DAGLA: variants seen among roughly 807,000 people sequenced by gnomAD.
DAGLA encodes diacylglycerol lipase alpha, also known as diacylglycerol lipase-alpha.
Under a neutral mutation model 102.6 loss-of-function variants are expected in DAGLA, and 22 were observed. That is an observed-to-expected ratio of 0.21 (90% CI 0.15 to 0.31). The LOEUF is 0.31. DAGLA is among the 10% of genes least tolerant of loss of function. The pLI is 1.00. For synonymous variants in DAGLA, 578 were observed against 628.9 expected (o/e 0.92, Z 1.21); for missense variants, 927 against 1,446.6 (o/e 0.64, Z 5.83).
intron 1 of DAGLA, among the ~76,000 whole-genome samples, chr11:61,716,172 G>C (rs550984343): frequency 6.6e-6 from 1 of 152,168 alleles, no homozygotes; most frequent in Admixed American, 6.5e-5. Context: ...CAGAGGTGTG[G>C]CGATGGGTAC....
At chr11:61,733,998 A>T (rs1323850230) in intron 9 of DAGLA, among the ~76,000 whole-genome samples, 2 of 152,176 alleles carry the variant, frequency 1.3e-5, no homozygotes, top group African/African-American at 4.8e-5. Flanking sequence ...CAGGTCAGAG[A>T]GACCAGAGCC....
At chr11:61,731,197 C>G (rs2065371128) in intron 8 of DAGLA, 120 bp from the exon 9 acceptor site, 1 of 1,268,216 alleles carries the variant, frequency 7.9e-7, no homozygotes, top group Admixed American at 2.2e-5. Context: ...CAACAGGGGA[C>G]CAGCAACCCC....
intron 1 of DAGLA, among the ~76,000 whole-genome samples, chr11:61,681,779 AC>A (rs1384770175): frequency 6.6e-6 from 1 of 151,026 alleles, no homozygotes; most frequent in African/African-American, 2.4e-5. Context: ...CTATGTTAAA[AC>A]CCCTCCATCT....
intron 10 of DAGLA, among the ~76,000 whole-genome samples, chr11:61,735,205 C>T (rs1169363448): frequency 6.6e-6 from 1 of 152,178 alleles, no homozygotes; most frequent in Admixed American, 6.5e-5. Flanking sequence ...ACCTCTGGGG[C>T]TGGGAAAGCA....
In DAGLA at chr11:61,744,761, A is replaced by G; in HGVS notation, c.*272A>G. On this transcript the variant is annotated 3_prime_UTR_variant, in exon 20 of 20. Coordinates refer to ENST00000257215, the MANE Select transcript of DAGLA (RefSeq NM_006133.3). ...CTGGGCAGCCTGCTGGGTGGGCCAC[A>G]CTCAGCCTGACTGCCCTCCATGGGG... 2 of 396,756 alleles carry G rather than the reference A, an allele frequency of 5.0e-6. No homozygotes were observed. Among genetic ancestry groups the G allele is most frequent in the Non-Finnish European group, 4.5e-6 (1 of 221,038 alleles). The allele number at this position is 396,756 out of a possible 1,614,324, so 24.6% of individuals were successfully genotyped here. A position where few individuals can be genotyped will look rare whatever the true frequency, so the allele number is the denominator to read the frequency against.
chr11:61,709,806 C>T (rs2065178859), intron 1 of DAGLA, among the ~76,000 whole-genome samples: 1 of 152,132 alleles, frequency 6.6e-6, no homozygotes, highest in Admixed American at 6.5e-5. Flanking sequence ...GTCACTTGAT[C>T]CCTGCTTGCT....
At position 61,736,168 on chromosome 11, in the gene DAGLA, G is replaced by GA. The variant is rs545247573; in HGVS notation, c.1291-97dup. 1.6e-4 allele frequency: 159 copies of GA among 998,914 alleles called. 1 individual carries two copies. The highest frequency in any genetic ancestry group is 1.0e-3 in the Admixed American group (54 of 53,744). 61.9% of individuals were successfully genotyped at this position (998,914 alleles called of 1,614,324 possible). On this transcript the variant is annotated intron_variant, in intron 12 of 19. Transcript: ENST00000257215. ...GCTGGGTTGTCACGAGGCCCAAAGGGAAAAATGGATGGGGCAGGGTTCCTG... is the reference window on the plus strand; with the variant it reads ...GCTGGGTTGTCACGAGGCCCAAAGGGAAAAAATGGATGGGGCAGGGTTCCTG...
chr11:61,715,997 C>G (rs1463387208), intron 1 of DAGLA, among the ~76,000 whole-genome samples: 1 of 152,154 alleles, frequency 6.6e-6, no homozygotes, highest in African/African-American at 2.4e-5. Flanking sequence ...GGTGGGAACC[C>G]AGCCTGACAG....
chr11:61,699,121 A>G (rs908330019), intron 1 of DAGLA, among the ~76,000 whole-genome samples: 1 of 152,128 alleles, frequency 6.6e-6, no homozygotes, highest in Non-Finnish European at 1.5e-5. Context: ...GAAGCCCTGG[A>G]TGGGAGCCAT....
chr11:61,719,479 TAGAG>T (rs1372202576), intron 1 of DAGLA, among the ~76,000 whole-genome samples: 2 of 152,212 alleles, frequency 1.3e-5, no homozygotes, highest in Non-Finnish European at 2.9e-5. Context: ...AACCAAGTCA[TAGAG>T]CACGCTCTTG....
chr11:61,701,332 G>T (rs2065108983), intron 1 of DAGLA, among the ~76,000 whole-genome samples: 2 of 152,216 alleles, frequency 1.3e-5, no homozygotes, highest in African/African-American at 4.8e-5. Context: ...GGGCCATGGG[G>T]ACTAGGAGCC....
chr11:61,690,301 C>T (rs2065013548), intron 1 of DAGLA, among the ~76,000 whole-genome samples: 1 of 152,188 alleles, frequency 6.6e-6, no homozygotes, highest in Non-Finnish European at 1.5e-5. Context: ...GTGTAGTCTC[C>T]CATCTCCCCA....
At chr11:61,720,582 T>C in intron 2 of DAGLA, 97 bp from the exon 3 acceptor site, 1 of 1,162,756 alleles carries the variant, frequency 8.6e-7, no homozygotes, top group Non-Finnish European at 1.3e-6. Flanking sequence ...CCAGCCCTCC[T>C]TCCACTGAAT....
chr11:61,701,364 A>G (rs555280977), intron 1 of DAGLA, among the ~76,000 whole-genome samples: 50 of 152,304 alleles, frequency 3.3e-4, no homozygotes, highest in South Asian at 6.2e-4. Context: ...TGCCAGGCCC[A>G]GCCCTACTGC....
intron 1 of DAGLA, among the ~76,000 whole-genome samples, chr11:61,691,536 A>AC (rs34068709): frequency 2.0e-3 from 294 of 149,224 alleles, no homozygotes; most frequent in African/African-American, 5.6e-3. Flanking sequence ...TGGAGGTGGG[A>AC]CCCCCCCCAA....
intron 1 of DAGLA, among the ~76,000 whole-genome samples, chr11:61,693,541 G>A (rs1457143337): frequency 1.3e-5 from 2 of 151,876 alleles, no homozygotes; most frequent in African/African-American, 4.8e-5. Context: ...TGGAGACCGG[G>A]TTTCACCATA....
At chr11:61,722,213 G>T (rs2065290536) in intron 3 of DAGLA, among the ~76,000 whole-genome samples, 2 of 152,230 alleles carry the variant, frequency 1.3e-5, no homozygotes, top group Admixed American at 6.5e-5. Flanking sequence ...ATGAGGAAAT[G>T]GAGGCTCAGA....
chr11:61,739,740 C>T (rs924883437), intron 17 of DAGLA, 79 bp downstream of exon 17: 132 of 1,430,564 alleles, frequency 9.2e-5, no homozygotes, highest in African/African-American at 2.0e-4. Flanking sequence ...GGCCTTGGCT[C>T]AATCACCGCT....
rs773876996 is a variant in DAGLA, at chr11:61,734,820, C to T, written c.975-29C>T. On this transcript the variant is annotated intron_variant, in intron 9 of 19. Coordinates refer to ENST00000257215, the MANE Select transcript of DAGLA (RefSeq NM_006133.3). The surrounding 1 kb of genome is among the most constrained non-coding windows in gnomAD (Gnocchi z 4.2). ...ATTTGTTCCCTCGGGGACTCCCTGG[C>T]CCTGAACTCTCTTGTCACCCCACCC... 7 of 1,601,182 alleles carry T rather than the reference C, an allele frequency of 4.4e-6. No individual in the cohort carries two copies. In the Admixed American group the frequency reaches 6.7e-5, roughly 15 times the overall value.
Sources: allele counts gnomAD v4.1 joint callset (sites outside exome capture counted in the v4.1 genomes callset), GRCh38; gene constraint gnomAD v4.1.1; non-coding constraint Gnocchi (gnomAD v3.1); transcripts MANE v1.5; gene names NCBI Gene and HGNC (gene_info 2026-07-23, HGNC 2026-07-21).